TAB2: variants seen among roughly 807,000 people sequenced by gnomAD.
TAB2 encodes TGF-beta-activated kinase 1 and MAP3K7-binding protein 2.
TAB2 carries 3 observed loss-of-function variants against 65.0 expected under a neutral mutation model. That is an observed-to-expected ratio of 0.05 (90% CI 0.02 to 0.12). TAB2 has a LOEUF of 0.12. Ranked by LOEUF, TAB2 falls within the 10% of genes least tolerant of loss-of-function variation. The pLI is 1.00. For missense variants in TAB2, 623 were observed against 840.3 expected, an observed-to-expected ratio of 0.74 and a Z score of 3.20; for synonymous variants, 298 against 285.1, an observed-to-expected ratio of 1.05 and a Z score of -0.46.
rs183202121 is a variant in TAB2 at position 149,275,987 on chromosome 6, A to T, written c.-121+57211A>T. On this transcript the variant is annotated intron_variant, in intron 1 of 1. Coordinates refer to the TAB2 transcript ENST00000606202. ...TAGGATCCTGAAACAGAAAGAGGAC[A>T]TTAGGCATAACTGAAGAAATGAATA... 3.9e-5 allele frequency among the ~76,000 whole-genome samples: 6 copies of T among 152,346 alleles called. No individual in the cohort carries two copies. The East Asian group carries it at 1.2e-3, about 29-fold the overall frequency.
intron 1 of TAB2, among the ~76,000 whole-genome samples, chr6:149,288,770 A>G (rs1778721347): frequency 6.6e-6 from 1 of 152,016 alleles, no homozygotes; most frequent in Admixed American, 6.6e-5. Context: ...CTGCACACAA[A>G]TAGCTTTATT....
rs36103023 is a variant in TAB2, at chr6:149,397,414, C to T, written c.1604-190C>T. On this transcript the variant is annotated intron_variant, in intron 3 of 6. Transcript: ENST00000637181. ...CGAGATCGCACCATTGCACTCCAGCCTGAGCAACAAGAGTAAAACTCTGTG... is the reference window on the plus strand; with the variant it reads ...CGAGATCGCACCATTGCACTCCAGCTTGAGCAACAAGAGTAAAACTCTGTG... 4.6e-3 allele frequency among the ~76,000 whole-genome samples: 704 copies of T among 151,504 alleles called. 4 individuals carry two copies. The highest frequency in any genetic ancestry group is 0.016 in the African/African-American group (676 of 41,232).
intron 1 of TAB2, among the ~76,000 whole-genome samples, chr6:149,319,520 T>A (rs1779366948): frequency 6.6e-6 from 1 of 151,492 alleles, no homozygotes; most frequent in Non-Finnish European, 1.5e-5. Context: ...ACAGTTAGTT[T>A]AAGGATTCTG....
intron 1 of TAB2, among the ~76,000 whole-genome samples, chr6:149,251,293 A>G (rs1200640367): frequency 2.6e-5 from 4 of 151,750 alleles, no homozygotes; most frequent in African/African-American, 9.7e-5. Context: ...CCTCCACCCT[A>G]CCCTTCCTTT....
At chr6:149,358,672 G>GTGTT (rs1210676011) in intron 1 of TAB2, among the ~76,000 whole-genome samples, 1 of 151,118 alleles carries the variant, frequency 6.6e-6, no homozygotes, top group African/African-American at 2.4e-5. Context: ...GTGTGTGTGT[G>GTGTT]TTTTCAGTAT....
rs767591395 is a variant in TAB2 at position 149,399,182 on chromosome 6, A to G, written c.1937A>G (p.Lys646Arg). ...GTAGGTCCTGTGCCACCAAAACCCA[A>G]AGGTTAGTGTATCCATTAAATGTGA... ...GFVGPVPPKP[K>R]DQRSIIKTPK... The change falls in exon 6 of 7, where the codon AAA becomes AGA. Residue 646 changes from lysine to arginine, a missense_variant and splice_region_variant. Transcript: ENST00000637181. 1 of 1,613,114 alleles carries G rather than the reference A, an allele frequency of 6.2e-7. No individual in the cohort carries two copies. The highest frequency in any genetic ancestry group is 1.3e-5 in the African/African-American group (1 of 75,014).
chr6:149,249,853 T>C (rs1241802012), intron 1 of TAB2, among the ~76,000 whole-genome samples: 1 of 152,226 alleles, frequency 6.6e-6, no homozygotes, highest in Non-Finnish European at 1.5e-5. Context: ...GATAGACAAC[T>C]ACTACTACTA....
intron 1 of TAB2, chr6:149,230,245 A>T (rs1262149623): frequency 2.0e-5 from 3 of 152,222 alleles, no homozygotes; most frequent in Admixed American, 6.5e-5. Context: ...TTATCAATTC[A>T]TCTAATCACA....
intron 3 of TAB2, among the ~76,000 whole-genome samples, chr6:149,382,867 C>T (rs1430157423): frequency 6.6e-6 from 1 of 151,966 alleles, no homozygotes; most frequent in Non-Finnish European, 1.5e-5. Context: ...GTAGAAATAA[C>T]TTAAGGCTGG....
chr6:149,331,178 C>T, intron 1 of TAB2, among the ~76,000 whole-genome samples: 1 of 151,998 alleles, frequency 6.6e-6, no homozygotes. Flanking sequence ...TTTGTTGAGT[C>T]TTCAATCCAT....
intron 1 of TAB2, among the ~76,000 whole-genome samples, chr6:149,363,635 A>C: frequency 6.6e-6 from 1 of 152,196 alleles, no homozygotes; most frequent in African/African-American, 2.4e-5. Flanking sequence ...TTGTGAAAAA[A>C]TTAATAATTA....
At chr6:149,226,311 G>A (rs1777274566) in intron 1 of TAB2, among the ~76,000 whole-genome samples, 1 of 152,180 alleles carries the variant, frequency 6.6e-6, no homozygotes, top group African/African-American at 2.4e-5. Context: ...TAGGAGAAGT[G>A]CGAGGACCCG....
At chr6:149,238,870 T>A (rs1217252704) in intron 1 of TAB2, among the ~76,000 whole-genome samples, 1 of 152,240 alleles carries the variant, frequency 6.6e-6, no homozygotes, top group East Asian at 1.9e-4. Flanking sequence ...GACTGTCACA[T>A]CTTAGACGAC....
intron 6 of TAB2, among the ~76,000 whole-genome samples, chr6:149,404,644 T>G (rs909314243): frequency 6.6e-6 from 1 of 152,228 alleles, no homozygotes; most frequent in African/African-American, 2.4e-5. Context: ...TGTGGTCAAC[T>G]TATCTTTGAC....
upstream of TAB2, among the ~76,000 whole-genome samples, chr6:149,313,603 G>A (rs905955536): frequency 2.0e-4 from 31 of 152,180 alleles, no homozygotes; most frequent in Admixed American, 9.2e-4. Context: ...CCAGCTGGAC[G>A]TCTCTTTAGC....
intron 1 of TAB2, among the ~76,000 whole-genome samples, chr6:149,337,560 T>C (rs1225117657): frequency 1.3e-5 from 2 of 152,172 alleles, no homozygotes; most frequent in East Asian, 3.8e-4. Flanking sequence ...CATAGAAAAT[T>C]TCAAAGTTTC....
chr6:149,397,935 G>A (rs749812334), intron 4 of TAB2, 34 bp from the exon 5 acceptor site: 2 of 1,596,916 alleles, frequency 1.3e-6, no homozygotes, highest in South Asian at 1.1e-5. Flanking sequence ...TAAGAATTCA[G>A]TGCAAATCTT....
chr6:149,343,098 G>A (rs934709787), intron 1 of TAB2, among the ~76,000 whole-genome samples: 11 of 152,086 alleles, frequency 7.2e-5, no homozygotes, highest in Admixed American at 2.6e-4. Context: ...GAGTGAAGCC[G>A]TATAAACATA....
rs141313212 is a variant in TAB2 at position 149,267,306 on chromosome 6, A to G, written c.-121+48530A>G. On this transcript the variant is annotated intron_variant, in intron 1 of 1. Coordinates refer to the TAB2 transcript ENST00000606202. The stretch of plus-strand genomic sequence containing the variant: ...TTCCTTCTTCCTCTTCCTGCTGTCC[A>G]GGAAACCTCCCGTGTCTCCTATTGT... 2.1e-3 allele frequency among the ~76,000 whole-genome samples: 315 copies of G among 152,326 alleles called. 1 individual carries two copies. Among genetic ancestry groups the G allele is most frequent in the Middle Eastern group, 0.014 (4 of 294 alleles).
Sources: gnomAD v4.1 joint callset for allele counts (sites outside exome capture counted in the v4.1 genomes callset) on GRCh38, gnomAD v4.1.1 for gene constraint, MANE v1.5 for transcripts, NCBI Gene and HGNC (gene_info 2026-07-23, HGNC 2026-07-21) for gene names.